The following MANEAL variants were observed in gnomAD, a reference collection of about 807,000 sequenced individuals.
The protein encoded by MANEAL is mannosidase endo-alpha like.
A neutral mutation model predicts 35.9 loss-of-function variants in MANEAL; 28 were observed. The observed-to-expected ratio is 0.78, with a 90% CI of 0.58 to 1.07. The LOEUF (loss-of-function observed/expected upper bound fraction) is 1.07. Ranked by LOEUF, MANEAL falls within the 50% of genes least tolerant of loss-of-function variation. The pLI is 0.00. For synonymous variants in MANEAL, 286 were observed against 272.2 expected, an observed-to-expected ratio of 1.05 and a Z score of -0.50; for missense variants, 576 against 629.6, an observed-to-expected ratio of 0.91 and a Z score of 0.91.
In MANEAL at chr1:37,799,778, G is replaced by C; in HGVS notation, c.949G>C (p.Ala317Pro). Residue 317 changes from alanine (A) to proline (P), a missense_variant, in exon 4 of 4, where the codon GCC becomes CCC. Around this residue, in one of 3 missense-constraint regions of MANEAL, gnomAD observed 449 missense variants for 516.1 expected, o/e 0.87. Transcript: ENST00000373045. This position sits in a 1 kb window ranked among gnomAD's most constrained non-coding sequence, Gnocchi z 4.1. Reference protein sequence around the residue: ...EEGHTHDILAAGFDGMYTYFA... With the variant: ...EEGHTHDILAPGFDGMYTYFA... The stretch of plus-strand genomic sequence containing the variant: ...GGGCCACACCCACGATATCCTGGCC[G>C]CCGGATTTGACGGCATGTACACCTA... 1 of 1,614,196 alleles carries C rather than the reference G, an allele frequency of 6.2e-7. No homozygotes were observed. Among genetic ancestry groups the C allele is most frequent in the South Asian group, 1.1e-5 (1 of 91,090 alleles).
At chr1:37,798,088 T>C (rs1157139574) in intron 3 of MANEAL, among the ~76,000 whole-genome samples, 6 of 148,776 alleles carry the variant, frequency 4.0e-5, no homozygotes, top group Admixed American at 2.7e-4. Flanking sequence ...GAGTTTGAGG[T>C]TACAGTTAGC....
rs1253192919 is a variant in MANEAL at position 37,794,202 on chromosome 1, G to A, written c.20G>A (p.Arg7His). Reference protein sequence around the residue: MARRRRRACIALFLVLL... With the variant: MARRRRHACIALFLVLL... ...TCGGCCATGGCCCGGCGGCGGCGCC[G>A]CGCCTGCATCGCTCTGTTCCTGGTG... is the stretch of plus-strand genomic sequence containing the variant. Residue 7 changes from arginine (R) to histidine (H), a missense_variant, in exon 1 of 4, where the codon CGC (arginine) becomes CAC (histidine). Transcript: ENST00000373045. The surrounding 1 kb of genome is among the most constrained non-coding windows in gnomAD (Gnocchi z 5.7). 3.9e-6 allele frequency: 5 copies of A among 1,292,802 alleles called. No individual in the cohort carries two copies. The highest frequency in any genetic ancestry group is 6.0e-5 in the Admixed American group (2 of 33,564). 80.1% of individuals were successfully genotyped at this position (1,292,802 alleles called of 1,614,324 possible).
chr1:37,798,748 G>T, intron 3 of MANEAL, among the ~76,000 whole-genome samples: 1 of 148,172 alleles, frequency 6.7e-6, no homozygotes, highest in Admixed American at 6.8e-5. Context: ...AAAGAAAAAA[G>T]AAAAAAAAGC....
chr1:37,800,046 A>C lies in MANEAL; in HGVS notation c.1217A>C (p.Glu406Ala). Residue 406 changes from glutamate to alanine, a missense_variant, in exon 4 of 4, where the codon GAG becomes GCG. Physicochemically the swap from Glu to Ala is moderately radical, Grantham distance 107 (BLOSUM62 -1). Around this residue, in one of 3 missense-constraint regions of MANEAL, gnomAD observed 449 missense variants for 516.1 expected, o/e 0.87. Coordinates refer to ENST00000373045, the MANE Select transcript of MANEAL (RefSeq NM_001113482.2). The stretch of plus-strand genomic sequence containing the variant: ...ATCGTTTCCATTACCTCCTTCAATG[A>C]GTGGCACGAGGGCACCCAGATTGAG... ...PEIVSITSFN[E>A]WHEGTQIEKA... 6.2e-7 allele frequency: 1 copy of C among 1,614,166 alleles called. No individual in the cohort carries two copies. The highest frequency in any genetic ancestry group is 1.1e-5 in the South Asian group (1 of 91,076).
Position 37,794,314 on chromosome 1 carries a change from G to A in MANEAL, c.132G>A (p.Leu44=). 8.6e-7 allele frequency: 1 copy of A among 1,158,170 alleles called. No individual in the cohort carries two copies. The highest frequency in any genetic ancestry group is 1.1e-6 in the Non-Finnish European group (1 of 936,996). The allele number at this position is 1,158,170 out of a possible 1,614,324, so 71.7% of individuals were successfully genotyped here. A position where few individuals can be genotyped will look rare whatever the true frequency, so the allele number is the denominator to read the frequency against. Residue 44 remains leucine, a synonymous_variant, in exon 1 of 4, where the codon CTG becomes CTA. Coordinates refer to ENST00000373045, the MANE Select transcript of MANEAL (RefSeq NM_001113482.2). This position sits in a 1 kb window ranked among gnomAD's most constrained non-coding sequence, Gnocchi z 5.7. Reference sequence around the variant, plus strand: ...CGGCGCTGGGCCCGGGCCTGGAGCTGGCGCCCTTTGAGCGACGCCCAGAGG... The same window carrying A: ...CGGCGCTGGGCCCGGGCCTGGAGCTAGCGCCCTTTGAGCGACGCCCAGAGG... ...GLPALGPGLE[L]APFERRPEGA...
chr1:37,794,260 G>C lies in MANEAL; in HGVS notation c.78G>C (p.Leu26=). The change falls in exon 1 of 4, where the codon CTG becomes CTC. Residue 26 remains leucine, a synonymous_variant. Coordinates refer to ENST00000373045, the MANE Select transcript of MANEAL (RefSeq NM_001113482.2). This position sits in a 1 kb window ranked among gnomAD's most constrained non-coding sequence, Gnocchi z 5.7. ...LLFAFGTLMG[L]RTLKAPDGLP... ...TCGCCTTCGGCACCCTCATGGGTCT[G>C]CGCACGCTCAAGGCTCCGGACGGAC... The C allele has an allele frequency of 7.6e-7, 1 of 1,311,788 alleles. No individual in the cohort carries two copies. Among genetic ancestry groups the C allele is most frequent in the African/African-American group, 1.6e-5 (1 of 63,988 alleles). 81.3% of individuals were successfully genotyped at this position (1,311,788 alleles called of 1,614,324 possible).
Position 37,794,542 on chromosome 1 carries a change from C to T in MANEAL, c.360C>T (p.Gly120=). The change falls in exon 1 of 4, where the codon GGC becomes GGT. Residue 120 remains glycine, a synonymous_variant. Transcript: ENST00000373045. The surrounding 1 kb of genome is among the most constrained non-coding windows in gnomAD (Gnocchi z 5.7). ...YSWYGSPRRE[G]HYIHWDHVMV... ...GGTACGGGAGCCCGCGGCGCGAGGG[C>T]CACTACATTCACTGGGACCACGTCA... The T allele has an allele frequency of 1.9e-6, 3 of 1,611,794 alleles. No individual in the cohort carries two copies. The highest frequency in any genetic ancestry group is 2.5e-6 in the Non-Finnish European group (3 of 1,179,596).
chr1:37,799,999 G>A lies in MANEAL; in HGVS notation c.1170G>A (p.Ala390=), dbSNP rs745455534. Residue 390 remains alanine, a synonymous_variant, in exon 4 of 4, where the codon GCG becomes GCA. Coordinates refer to ENST00000373045, the MANE Select transcript of MANEAL (RefSeq NM_001113482.2). The surrounding 1 kb of genome is among the most constrained non-coding windows in gnomAD (Gnocchi z 4.1). The part of the protein sequence containing the change: ...NGKYYETALQ[A]ALTVRPEIVS... ...AGTACTATGAGACGGCCCTGCAGGCGGCCCTGACAGTGAGGCCCGAGATCG... is the reference window on the plus strand; with the variant it reads ...AGTACTATGAGACGGCCCTGCAGGCAGCCCTGACAGTGAGGCCCGAGATCG... 2.0e-5 allele frequency: 33 copies of A among 1,614,042 alleles called. 1 individual carries two copies. Among genetic ancestry groups the A allele is most frequent in the South Asian group, 1.8e-4 (16 of 91,084 alleles).
At chr1:37,795,959 A>T in intron 2 of MANEAL, 113 bp downstream of exon 2, 1 of 846,664 alleles carries the variant, frequency 1.2e-6, no homozygotes, top group East Asian at 2.6e-5. Flanking sequence ...CCAAAGGGAT[A>T]ACAAATATGT....
rs1033074794 is a variant in MANEAL, at chr1:37,801,033, C to G, written c.*830C>G. The G allele has an allele frequency of 1.3e-5, 2 of 149,452 alleles. No homozygotes were observed. The highest frequency in any genetic ancestry group is 4.9e-5 in the African/African-American group (2 of 41,186). The allele number at this position is 149,452 out of a possible 1,614,324, so 9.3% of individuals were successfully genotyped here. On this transcript the variant is annotated 3_prime_UTR_variant, in exon 4 of 4. Transcript: ENST00000373045. ...CTAGGGAGAGGACTAGGAGGAAATC[C>G]CCCTCCCTTTAGCTGCCTGAACTGA...
chr1:37,800,580 C>T lies in MANEAL; in HGVS notation c.*377C>T, dbSNP rs1427880746. ...GTGTCAGGGTCTGGGCTCGCATGCA[C>T]CCTGCTCCCTTCTGCCAGCCTGCAT... On this transcript the variant is annotated 3_prime_UTR_variant, in exon 4 of 4. Transcript: ENST00000373045. 1 of 237,836 alleles carries T rather than the reference C, an allele frequency of 4.2e-6. No homozygotes were observed. Among genetic ancestry groups the T allele is most frequent in the East Asian group, 9.3e-5 (1 of 10,720 alleles). The allele number at this position is 237,836 out of a possible 1,614,324, so 14.7% of individuals were successfully genotyped here. A position where few individuals can be genotyped will look rare whatever the true frequency, so the allele number is the denominator to read the frequency against.
Position 37,800,419 on chromosome 1 carries a change from AG to A in MANEAL, c.*217del. ...GGTGCTCTGTGGTGATGGGAACGGC[AG>A]AGGCTGGCAGGTGACTGAACTTAGC... On this transcript the variant is annotated 3_prime_UTR_variant, in exon 4 of 4. Transcript: ENST00000373045. The A allele has an allele frequency of 1.7e-6, 1 of 605,846 alleles. No individual in the cohort carries two copies. The highest frequency in any genetic ancestry group is 2.1e-5 in the South Asian group (1 of 48,712). The allele number at this position is 605,846 out of a possible 1,614,324, so 37.5% of individuals were successfully genotyped here.
chr1:37,794,227 G>A lies in MANEAL; in HGVS notation c.45G>A (p.Val15=), dbSNP rs1025973882. ...GCGCCTGCATCGCTCTGTTCCTGGTGCTGCTCTTCGCCTTCGGCACCCTCA... is the reference window on the plus strand; with the variant it reads ...GCGCCTGCATCGCTCTGTTCCTGGTACTGCTCTTCGCCTTCGGCACCCTCA... ...RRRACIALFL[V]LLFAFGTLMG... is the part of the protein sequence containing the mutation. Residue 15 remains valine (V), a synonymous_variant, in exon 1 of 4, where the codon GTG becomes GTA. Coordinates refer to ENST00000373045, the MANE Select transcript of MANEAL (RefSeq NM_001113482.2). The surrounding 1 kb of genome is among the most constrained non-coding windows in gnomAD (Gnocchi z 5.7). 5.3e-6 allele frequency: 7 copies of A among 1,327,778 alleles called. No individual in the cohort carries two copies. The highest frequency in any genetic ancestry group is 6.9e-6 in the Non-Finnish European group (7 of 1,021,464). 82.2% of individuals were successfully genotyped at this position (1,327,778 alleles called of 1,614,324 possible).
At position 37,795,857 on chromosome 1, in the gene MANEAL, A is replaced by G; in HGVS notation, c.660+11A>G. 1 of 1,609,546 alleles carries G rather than the reference A, an allele frequency of 6.2e-7. No homozygotes were observed. The highest frequency in any genetic ancestry group is 8.5e-7 in the Non-Finnish European group (1 of 1,175,924). On this transcript the variant is annotated intron_variant, in intron 2 of 3. Coordinates refer to ENST00000373045, the MANE Select transcript of MANEAL (RefSeq NM_001113482.2). The stretch of plus-strand genomic sequence containing the variant: ...CAGTACAGCATCCAGGTGAGTCTCC[A>G]AGAAGAGGCCACGTGCTCTCTGCCC...
At position 37,799,473 on chromosome 1, in the gene MANEAL, C is replaced by A; in HGVS notation, c.738-94C>A. 3 of 1,388,318 alleles carry A rather than the reference C, an allele frequency of 2.2e-6. No homozygotes were observed. Among genetic ancestry groups the A allele is most frequent in the Non-Finnish European group, 2.9e-6 (3 of 1,024,438 alleles). 86.0% of individuals were successfully genotyped at this position (1,388,318 alleles called of 1,614,324 possible). A position where few individuals can be genotyped will look rare whatever the true frequency, so the allele number is the denominator to read the frequency against. ...CTGTGGAGACTGACTGGCTCCAGAA[C>A]TGGGCTGTGTTGCATCCGTATCTCA... On this transcript the variant is annotated intron_variant, in intron 3 of 3. Transcript: ENST00000373045. The surrounding 1 kb of genome is among the most constrained non-coding windows in gnomAD (Gnocchi z 4.1).
rs945355314 is a variant in MANEAL at position 37,794,128 on chromosome 1, C to T, written c.-55C>T. On this transcript the variant is annotated 5_prime_UTR_variant, in exon 1 of 4. Transcript: ENST00000373045. This position sits in a 1 kb window ranked among gnomAD's most constrained non-coding sequence, Gnocchi z 5.7. ...GGAAGCGCGCGGCCGGGCGGGCGGC[C>T]ATGGCGCGGCACGCTGGGAGGTAGC... 162 of 1,091,464 alleles carry T rather than the reference C, an allele frequency of 1.5e-4. 1 individual carries two copies. The African/African-American group carries it at 2.6e-3, about 18-fold the overall frequency. 67.6% of individuals were successfully genotyped at this position (1,091,464 alleles called of 1,614,324 possible).
chr1:37,800,769 C>T lies in MANEAL; in HGVS notation c.*566C>T, dbSNP rs1275408761. On this transcript the variant is annotated 3_prime_UTR_variant, in exon 4 of 4. Transcript: ENST00000373045. ...AGCACTCACAGGTTCATTTAACACT[C>T]ACTCATCAAGCACCTTCCTATGTGC... 2 of 156,838 alleles carry T rather than the reference C, an allele frequency of 1.3e-5. No homozygotes were observed. Among genetic ancestry groups the T allele is most frequent in the Non-Finnish European group, 2.8e-5 (2 of 70,784 alleles). 9.7% of individuals were successfully genotyped at this position (156,838 alleles called of 1,614,324 possible).
In MANEAL at chr1:37,799,954, G is replaced by A. The variant is rs753266888; in HGVS notation, c.1125G>A (p.Thr375=). ...TSIRPWNNHN[T]RNRVNGKYYE... ...TTCGGCCCTGGAACAACCACAATAC[G>A]CGCAACAGGGTCAATGGCAAGTACT... is the stretch of plus-strand genomic sequence containing the variant. Residue 375 remains threonine, a synonymous_variant, in exon 4 of 4, where the codon ACG becomes ACA. Coordinates refer to ENST00000373045, the MANE Select transcript of MANEAL (RefSeq NM_001113482.2). The surrounding 1 kb of genome is among the most constrained non-coding windows in gnomAD (Gnocchi z 4.1). 9.3e-6 allele frequency: 15 copies of A among 1,614,080 alleles called. No homozygotes were observed. The East Asian group carries it at 1.6e-4, about 17-fold the overall frequency.
In MANEAL at chr1:37,800,340, G is replaced by A. The variant is rs1041111229; in HGVS notation, c.*137G>A. 225 of 1,039,204 alleles carry A rather than the reference G, an allele frequency of 2.2e-4. 1 individual carries two copies. The African/African-American group carries it at 3.1e-3, about 14-fold the overall frequency. The allele number at this position is 1,039,204 out of a possible 1,614,324, so 64.4% of individuals were successfully genotyped here. A position where few individuals can be genotyped will look rare whatever the true frequency, so the allele number is the denominator to read the frequency against. On this transcript the variant is annotated 3_prime_UTR_variant, in exon 4 of 4. Coordinates refer to ENST00000373045, the MANE Select transcript of MANEAL (RefSeq NM_001113482.2). ...GCAGATGGGTGTTTCTGGGTGGGCC[G>A]TCAGGCATGGGCCTGTGCAACACAG...
Sources: allele counts gnomAD v4.1 joint callset (sites outside exome capture counted in the v4.1 genomes callset), GRCh38; gene constraint gnomAD v4.1.1; regional missense constraint gnomAD v4.1.1; non-coding constraint Gnocchi (gnomAD v3.1); transcripts MANE v1.5; gene names NCBI Gene and HGNC (gene_info 2026-07-23, HGNC 2026-07-21).